ZNF536: variants seen among roughly 807,000 people sequenced by gnomAD.
ZNF536 encodes the protein zinc finger protein 536.
ZNF536 carries 13 observed loss-of-function variants against 84.5 expected under a neutral mutation model. The ratio of observed to expected loss-of-function variants is 0.15; its 90% CI spans 0.10 to 0.24. ZNF536 has a LOEUF of 0.24. Ranked by LOEUF, ZNF536 falls within the 10% of genes least tolerant of loss-of-function variation. The pLI is 1.00. For missense variants in ZNF536, 1,536 were observed against 1,747.5 expected (o/e 0.88, Z 2.16); for synonymous variants, 811 against 742.5 (o/e 1.09, Z -1.50).
intron 2 of ZNF536, among the ~76,000 whole-genome samples, chr19:30,351,710 T>C (rs1186298696): frequency 1.3e-5 from 2 of 152,218 alleles, no homozygotes; most frequent in African/African-American, 2.4e-5. Context: ...AAATCAATAA[T>C]GACACAGATG....
chr19:30,469,510 C>T (rs2053548009), intron 2 of ZNF536, among the ~76,000 whole-genome samples: 1 of 152,162 alleles, frequency 6.6e-6, no homozygotes, highest in Non-Finnish European at 1.5e-5. Context: ...AAAAATCTTC[C>T]TCCTCAAAGG....
At chr19:30,517,555 T>A (rs775073026) in intron 2 of ZNF536, among the ~76,000 whole-genome samples, 60 of 152,148 alleles carry the variant, frequency 3.9e-4, no homozygotes, top group Non-Finnish European at 7.5e-4. Context: ...GTGAGTGAAA[T>A]GTCCCAAATT....
chr19:30,299,637 A>G (rs921588461), intron 2 of ZNF536, among the ~76,000 whole-genome samples: 1 of 152,220 alleles, frequency 6.6e-6, no homozygotes, highest in Non-Finnish European at 1.5e-5. Context: ...GGCATTCACT[A>G]GTTCTCAGAA....
chr19:30,437,018 AT>A (rs1218557610), intron 1 of ZNF536, among the ~76,000 whole-genome samples: 1 of 152,176 alleles, frequency 6.6e-6, no homozygotes, highest in African/African-American at 2.4e-5. Flanking sequence ...ACAATACTTG[AT>A]TTTTTAAAAT....
chr19:30,319,204 C>T (rs964953900), intron 2 of ZNF536, among the ~76,000 whole-genome samples: 1 of 152,210 alleles, frequency 6.6e-6, no homozygotes, highest in African/African-American at 2.4e-5. Flanking sequence ...CTAGGAGATG[C>T]CGGGAAGTTG....
intron 1 of ZNF536, among the ~76,000 whole-genome samples, chr19:30,419,062 T>A (rs1158289926): frequency 6.6e-6 from 1 of 152,234 alleles, no homozygotes; most frequent in Admixed American, 6.5e-5. Context: ...CACCCAGAAA[T>A]AACATTTTGT....
chr19:30,290,286 T>G (rs1180080210), intron 2 of ZNF536, among the ~76,000 whole-genome samples: 1 of 152,200 alleles, frequency 6.6e-6, no homozygotes, highest in East Asian at 1.9e-4. Flanking sequence ...TTCGCTTTTC[T>G]TTTATTTTGG....
chr19:30,229,187 G>C (rs569085162), intron 1 of ZNF536, among the ~76,000 whole-genome samples: 18 of 152,226 alleles, frequency 1.2e-4, no homozygotes, highest in African/African-American at 4.1e-4. Flanking sequence ...CAAAACAAGA[G>C]CAGGAAGGGC....
At chr19:30,560,143 G>A (rs1264509472), downstream of ZNF536, among the ~76,000 whole-genome samples, 1 of 151,986 alleles carries the variant, frequency 6.6e-6, no homozygotes, top group Non-Finnish European at 1.5e-5. Flanking sequence ...GGGGAGCTGG[G>A]TGGATTCAGT....
intron 1 of ZNF536, among the ~76,000 whole-genome samples, chr19:30,434,989 T>C (rs953060331): frequency 1.3e-4 from 20 of 151,974 alleles, no homozygotes; most frequent in Non-Finnish European, 2.6e-4. Flanking sequence ...ATCGTGGTGA[T>C]GATGGTGATG....
At chr19:30,686,010 A>T (rs1425053314) in intron 1 of ZNF536, among the ~76,000 whole-genome samples, 4 of 152,224 alleles carry the variant, frequency 2.6e-5, no homozygotes, top group Non-Finnish European at 4.4e-5. Context: ...AAGATGGGGC[A>T]GGGGCCAGAG....
intron 2 of ZNF536, among the ~76,000 whole-genome samples, chr19:30,502,607 G>A (rs2054997539): frequency 1.3e-5 from 2 of 152,098 alleles, no homozygotes; most frequent in South Asian, 4.1e-4. Flanking sequence ...GGACATTTAA[G>A]CAAAGTAGCC....
chr19:30,386,137 T>C (rs1051882941), intron 1 of ZNF536, among the ~76,000 whole-genome samples: 2 of 152,148 alleles, frequency 1.3e-5, no homozygotes, highest in Admixed American at 1.3e-4. Flanking sequence ...CCCTCAGCCC[T>C]TTGCCTACGC....
At chr19:30,614,820 T>A (rs1015404231) in intron 1 of ZNF536, among the ~76,000 whole-genome samples, 1 of 151,500 alleles carries the variant, frequency 6.6e-6, no homozygotes, top group African/African-American at 2.4e-5. Context: ...TTTATTTTTT[T>A]ATCATAGTGA....
At chr19:30,261,297 CAA>C (rs66862950) in intron 1 of ZNF536, among the ~76,000 whole-genome samples, 14 of 23,570 alleles carry the variant, frequency 5.9e-4, no homozygotes, top group African/African-American at 2.1e-3. Context: ...GACTCCGTCT[CAA>C]AAAAAAAAAA....
chr19:30,463,632 A>G (rs1344814851), intron 2 of ZNF536, among the ~76,000 whole-genome samples: 2 of 152,226 alleles, frequency 1.3e-5, no homozygotes, highest in African/African-American at 4.8e-5. Context: ...CAACTTATAC[A>G]GAATGAAATG....
At chr19:30,616,809 A>G (rs2048311966) in intron 1 of ZNF536, among the ~76,000 whole-genome samples, 1 of 152,142 alleles carries the variant, frequency 6.6e-6, no homozygotes, top group African/African-American at 2.4e-5. Context: ...GCTCCCTGAG[A>G]ACTCTTTCAA....
intron 2 of ZNF536, among the ~76,000 whole-genome samples, chr19:30,293,692 C>T (rs149925130): frequency 4.7e-4 from 71 of 152,186 alleles, no homozygotes; most frequent in African/African-American, 1.6e-3. Context: ...AAGGAAAGTA[C>T]GATAATCGGA....
At chr19:30,587,236 T>C (rs1031331737) in intron 1 of ZNF536, among the ~76,000 whole-genome samples, 1 of 152,240 alleles carries the variant, frequency 6.6e-6, no homozygotes, top group African/African-American at 2.4e-5. Flanking sequence ...ATTTCACTGA[T>C]AGCAGGATCT....
Sources: allele counts gnomAD v4.1 joint callset (sites outside exome capture counted in the v4.1 genomes callset), GRCh38; gene constraint gnomAD v4.1.1; transcripts MANE v1.5; gene names NCBI Gene and HGNC (gene_info 2026-07-23, HGNC 2026-07-21).